The following DHRS7B variants were observed in gnomAD, a reference collection of about 807,000 sequenced individuals.
DHRS7B encodes dehydrogenase/reductase 7B, also known as peroxisomal reductase activating PPAR-gamma.
Under a neutral mutation model 26.4 loss-of-function variants are expected in DHRS7B, and 24 were observed. The observed-to-expected ratio is 0.91, with a 90% CI of 0.66 to 1.28. The LOEUF is 1.28. Among genes scored for constraint, DHRS7B ranks in the 50% most tolerant of loss-of-function variants. The probability of loss-of-function intolerance (pLI) is 0.00; values close to 1 mark genes in which losing one functional copy is unlikely to be tolerated. For missense variants in DHRS7B, 368 were observed against 419.4 expected, an observed-to-expected ratio of 0.88 and a Z score of 1.07; for synonymous variants, 142 against 166.4, an observed-to-expected ratio of 0.85 and a Z score of 1.13.
intron 1 of DHRS7B, among the ~76,000 whole-genome samples, chr17:21,149,437 T>TCC: frequency 6.6e-6 from 1 of 152,178 alleles, no homozygotes; most frequent in Non-Finnish European, 1.5e-5. Context: ...ACTGATAAAG[T>TCC]TAAGTACGTG....
intron 3 of DHRS7B, among the ~76,000 whole-genome samples, chr17:21,180,356 A>C (rs555006908): frequency 3.9e-5 from 6 of 151,938 alleles, no homozygotes; most frequent in Admixed American, 3.9e-4. Context: ...TACAGGTGTT[A>C]GCCACCACGC....
chr17:21,152,754 G>C (rs1973799568), intron 1 of DHRS7B, among the ~76,000 whole-genome samples: 1 of 152,192 alleles, frequency 6.6e-6, no homozygotes, highest in African/African-American at 2.4e-5. Flanking sequence ...CTCAACCTCA[G>C]CTCACTCTAT....
intron 1 of DHRS7B, among the ~76,000 whole-genome samples, chr17:21,165,472 C>T (rs1355983549): frequency 1.3e-5 from 2 of 151,954 alleles, no homozygotes; most frequent in South Asian, 2.1e-4. Context: ...ACTACAGGCG[C>T]GTGCCACCAT....
At chr17:21,175,514 G>A (rs970783286) in intron 2 of DHRS7B, among the ~76,000 whole-genome samples, 8 of 152,304 alleles carry the variant, frequency 5.3e-5, no homozygotes, top group Admixed American at 2.6e-4. Flanking sequence ...TCTAAGATTC[G>A]GTCTGGAACC....
intron 1 of DHRS7B, among the ~76,000 whole-genome samples, chr17:21,139,098 T>C (rs1973432305): frequency 6.6e-6 from 1 of 152,210 alleles, no homozygotes; most frequent in Non-Finnish European, 1.5e-5. Flanking sequence ...TGAACTAACT[T>C]TGGGAGGAAC....
chr17:21,164,391 G>A (rs1318837408), intron 1 of DHRS7B, among the ~76,000 whole-genome samples: 1 of 152,150 alleles, frequency 6.6e-6, no homozygotes, highest in Non-Finnish European at 1.5e-5. Flanking sequence ...TACTCTAGTT[G>A]ACGCTGTAGC....
chr17:21,139,384 T>G (rs1254811197), intron 1 of DHRS7B, among the ~76,000 whole-genome samples: 1 of 152,134 alleles, frequency 6.6e-6, no homozygotes, highest in East Asian at 1.9e-4. Context: ...ACTATGAAAC[T>G]GCTTGATTAG....
At chr17:21,149,615 G>T (rs1164826058) in intron 1 of DHRS7B, among the ~76,000 whole-genome samples, 2 of 152,080 alleles carry the variant, frequency 1.3e-5, no homozygotes, top group African/African-American at 4.8e-5. Flanking sequence ...GTCAAAATGT[G>T]GGGGGACGAG....
intron 1 of DHRS7B, among the ~76,000 whole-genome samples, chr17:21,138,066 T>TAAAAAAAA (rs1555536184): frequency 5.7e-5 from 2 of 35,242 alleles, no homozygotes; most frequent in African/African-American, 3.5e-4. Flanking sequence ...CGGCCTCTTT[T>TAAAAAAAA]AAAAAAAAAA....
In DHRS7B at chr17:21,150,112, A is replaced by AC. The variant is rs1417187005; in HGVS notation, c.21-21906_21-21905insC. On this transcript the variant is annotated intron_variant, in intron 1 of 6. Transcript: ENST00000395511. The stretch of plus-strand genomic sequence containing the variant: ...CAAGGCTCCATCTCTATTTAAAAAA[A>AC]AAAAAAAAAAAAAAAAAAAACTAAG... Among the ~76,000 whole-genome samples the AC allele has an allele frequency of 9.0e-3, 1,199 of 133,144 alleles. 22 individuals are homozygous for AC. The highest frequency in any genetic ancestry group is 0.016 in the Non-Finnish European group (972 of 60,402). The allele number at this position is 133,144 out of a possible 152,430, so 87.3% of individuals were successfully genotyped here. A position where few individuals can be genotyped will look rare whatever the true frequency, so the allele number is the denominator to read the frequency against.
chr17:21,190,738 A>G (rs1327363899), intron 6 of DHRS7B, among the ~76,000 whole-genome samples: 1 of 152,048 alleles, frequency 6.6e-6, no homozygotes, highest in Non-Finnish European at 1.5e-5. Context: ...CGCTTCCCCC[A>G]CTGACCCACA....
chr17:21,151,814 A>G (rs939604584), intron 1 of DHRS7B, among the ~76,000 whole-genome samples: 1 of 152,164 alleles, frequency 6.6e-6, no homozygotes, highest in Non-Finnish European at 1.5e-5. Context: ...CTCATGTTCA[A>G]TTGTAATCCC....
intron 1 of DHRS7B, among the ~76,000 whole-genome samples, chr17:21,144,279 A>C (rs1418726562): frequency 6.6e-6 from 1 of 152,200 alleles, no homozygotes; most frequent in Admixed American, 6.5e-5. Flanking sequence ...AGGTAGAATG[A>C]GAATCTACTC....
At chr17:21,156,689 G>A (rs759588286) in intron 1 of DHRS7B, among the ~76,000 whole-genome samples, 48 of 151,996 alleles carry the variant, frequency 3.2e-4, no homozygotes, top group Non-Finnish European at 5.0e-4. Flanking sequence ...AAGGCAGGTG[G>A]ATCACCTGAG....
intron 3 of DHRS7B, among the ~76,000 whole-genome samples, chr17:21,178,897 C>T (rs534111525): frequency 7.2e-5 from 11 of 152,038 alleles, no homozygotes; most frequent in Non-Finnish European, 1.5e-4. Flanking sequence ...AGATGATCTG[C>T]CCGCCTCAGC....
intron 1 of DHRS7B, among the ~76,000 whole-genome samples, chr17:21,149,981 A>T (rs1190175250): frequency 1.3e-5 from 2 of 152,038 alleles, no homozygotes; most frequent in African/African-American, 4.8e-5. Flanking sequence ...TTCTTTAGCC[A>T]GGCATGGTGG....
chr17:21,153,349 G>C (rs975528718), intron 1 of DHRS7B, among the ~76,000 whole-genome samples: 1 of 151,814 alleles, frequency 6.6e-6, no homozygotes, highest in Non-Finnish European at 1.5e-5. Flanking sequence ...AAACTTAAAA[G>C]CAAAGAGAAA....
At chr17:21,180,923 C>G (rs757875460) in intron 3 of DHRS7B, among the ~76,000 whole-genome samples, 1 of 152,194 alleles carries the variant, frequency 6.6e-6, no homozygotes, top group Non-Finnish European at 1.5e-5. Flanking sequence ...ACACGGTCTT[C>G]CAGTCCATGA....
At chr17:21,183,919 C>A in intron 4 of DHRS7B, 109 bp downstream of exon 4, 2 of 948,244 alleles carry the variant, frequency 2.1e-6, no homozygotes, top group Non-Finnish European at 1.6e-6. Flanking sequence ...CTCTGTTGCC[C>A]TGGAGTGGGT....
Sources: allele counts gnomAD v4.1 joint callset (sites outside exome capture counted in the v4.1 genomes callset), GRCh38; gene constraint gnomAD v4.1.1; transcripts MANE v1.5; gene names NCBI Gene and HGNC (gene_info 2026-07-23, HGNC 2026-07-21).